NBAS: variants seen among roughly 807,000 people sequenced by gnomAD.
NBAS encodes the protein NAG/BC035112 fusion.
In NBAS, 219 loss-of-function variants were observed where a neutral mutation model predicts 302.5. The ratio of observed to expected loss-of-function variants is 0.72; its 90% CI spans 0.65 to 0.81. The LOEUF (loss-of-function observed/expected upper bound fraction) is 0.81, where lower values mean the gene tolerates loss of function less well. Among genes scored for constraint, NBAS ranks in the 30% least tolerant of loss-of-function variants. NBAS has a pLI of 0.00. For synonymous variants in NBAS, 1,118 were observed against 1,021.6 expected, an observed-to-expected ratio of 1.09 and a Z score of -1.80; for missense variants, 2,932 against 2,841.6, an observed-to-expected ratio of 1.03 and a Z score of -0.72.
the NBAS span, among the ~76,000 whole-genome samples, chr2:14,789,064 C>T: frequency 5.9e-5 from 9 of 152,164 alleles, no homozygotes; most frequent in East Asian, 1.9e-4. Context: ...GCCTCGCTGC[C>T]GCCTTGCAGT....
intron 44 of NBAS, among the ~76,000 whole-genome samples, chr2:15,256,371 G>T (rs1668593641): frequency 6.6e-6 from 1 of 152,008 alleles, no homozygotes; most frequent in Non-Finnish European, 1.5e-5. Flanking sequence ...GGTCATTGTT[G>T]TTGCATAGCA....
intron 28 of NBAS, among the ~76,000 whole-genome samples, chr2:15,391,870 G>A (rs556412457): frequency 1.8e-4 from 27 of 147,878 alleles, no homozygotes; most frequent in Middle Eastern, 7.0e-3. Flanking sequence ...TTTCTGTACC[G>A]TAGCATACTA....
chr2:15,085,989 C>T, the NBAS span, among the ~76,000 whole-genome samples: 3 of 152,118 alleles, frequency 2.0e-5, no homozygotes, highest in Admixed American at 6.5e-5. Flanking sequence ...AGGCAGATGG[C>T]TCCTGGAGGG....
At chr2:15,400,502 G>A (rs991960135) in intron 26 of NBAS, among the ~76,000 whole-genome samples, 2 of 152,120 alleles carry the variant, frequency 1.3e-5, no homozygotes, top group Non-Finnish European at 2.9e-5. Flanking sequence ...ATAAAAGGAA[G>A]TCAAAAATGA....
the NBAS span, among the ~76,000 whole-genome samples, chr2:14,820,481 G>A: frequency 5.9e-5 from 9 of 152,122 alleles, no homozygotes; most frequent in Admixed American, 3.9e-4. Flanking sequence ...TGAACTCATG[G>A]TCATAGAGAG....
In NBAS at chr2:15,275,902, C is replaced by T. The variant is rs1195702983; in HGVS notation, c.5390-84G>A. 9.3e-6 allele frequency: 11 copies of T among 1,179,164 alleles called. No individual in the cohort carries two copies. The Admixed American group carries it at 2.0e-4, about 22-fold the overall frequency. The allele number at this position is 1,179,164 out of a possible 1,614,324, so 73.0% of individuals were successfully genotyped here. A position where few individuals can be genotyped will look rare whatever the true frequency, so the allele number is the denominator to read the frequency against. ...CTTTCAAACACACACACATAGCCCT[C>T]TATATGTCTGAACGCAAAGATCTAT... On this transcript the variant is annotated intron_variant, in intron 43 of 51. Coordinates refer to ENST00000281513, the MANE Select transcript of NBAS (RefSeq NM_015909.4).
chr2:14,845,568 C>T, the NBAS span, among the ~76,000 whole-genome samples: 2 of 152,100 alleles, frequency 1.3e-5, no homozygotes, highest in African/African-American at 2.4e-5. Flanking sequence ...AATAAGACAC[C>T]AGGGACCAAT....
At chr2:15,496,701 A>G (rs182956366) in intron 11 of NBAS, among the ~76,000 whole-genome samples, 112 of 152,256 alleles carry the variant, frequency 7.4e-4, no homozygotes, top group African/African-American at 2.4e-3. Flanking sequence ...AGAAGCTAGC[A>G]GGAATCTGAT....
chr2:15,223,598 AG>A (rs1387956087), intron 47 of NBAS, among the ~76,000 whole-genome samples: 2 of 152,128 alleles, frequency 1.3e-5, no homozygotes, highest in Non-Finnish European at 2.9e-5. Context: ...TGGGAGGCTG[AG>A]GCAGGCAGAA....
At chr2:14,976,956 T>C in the NBAS span, among the ~76,000 whole-genome samples, 1 of 152,202 alleles carries the variant, frequency 6.6e-6, no homozygotes, top group African/African-American at 2.4e-5. Context: ...TTTCTGTTGA[T>C]TCAAGTCATA....
the NBAS span, among the ~76,000 whole-genome samples, chr2:14,980,326 T>A: frequency 6.6e-6 from 1 of 151,816 alleles, no homozygotes; most frequent in African/African-American, 2.4e-5. Flanking sequence ...ACTAAATCAT[T>A]AAGCCTTTGG....
At chr2:15,266,995 GCTAT>G (rs558770494) in intron 44 of NBAS, among the ~76,000 whole-genome samples, 87 of 152,284 alleles carry the variant, frequency 5.7e-4, no homozygotes, top group Middle Eastern at 3.4e-3. Context: ...ATCCTGTGTA[GCTAT>G]CTATCACCCA....
the NBAS span, among the ~76,000 whole-genome samples, chr2:15,135,186 G>T: frequency 6.6e-6 from 1 of 152,210 alleles, no homozygotes; most frequent in Non-Finnish European, 1.5e-5. Flanking sequence ...ACTTTTTCAA[G>T]CTAAGGAGGG....
chr2:15,188,367 C>T (rs1283904841), intron 49 of NBAS, among the ~76,000 whole-genome samples: 1 of 152,212 alleles, frequency 6.6e-6, no homozygotes, highest in Non-Finnish European at 1.5e-5. Context: ...CTTCCACCCC[C>T]ACTCCTTTTT....
chr2:15,256,818 A>G (rs1303592786), intron 44 of NBAS, among the ~76,000 whole-genome samples: 3 of 152,152 alleles, frequency 2.0e-5, no homozygotes, highest in Non-Finnish European at 2.9e-5. Flanking sequence ...AGGTGACCAT[A>G]TGATTTTTGT....
At chr2:15,023,656 T>C in the NBAS span, among the ~76,000 whole-genome samples, 1 of 88,400 alleles carries the variant, frequency 1.1e-5, no homozygotes, top group African/African-American at 4.2e-5. Flanking sequence ...GTGATTTTCA[T>C]CTATTTCCTT....
At chr2:14,943,786 A>C in the NBAS span, among the ~76,000 whole-genome samples, 1 of 152,084 alleles carries the variant, frequency 6.6e-6, no homozygotes, top group Non-Finnish European at 1.5e-5. Context: ...TTCTATTTTT[A>C]TTAATTTTTT....
At chr2:15,506,099 A>AGGCC in intron 10 of NBAS, among the ~76,000 whole-genome samples, 1 of 152,184 alleles carries the variant, frequency 6.6e-6, no homozygotes, top group Non-Finnish European at 1.5e-5. Context: ...GATAAAAGGG[A>AGGCC]GAGGTAAAAA....
At chr2:15,422,657 C>T (rs1379844048) in intron 23 of NBAS, among the ~76,000 whole-genome samples, 3 of 151,802 alleles carry the variant, frequency 2.0e-5, no homozygotes, top group African/African-American at 7.3e-5. Flanking sequence ...AATATTTAAA[C>T]ACCAAAAATT....
Sources: allele counts gnomAD v4.1 joint callset (sites outside exome capture counted in the v4.1 genomes callset), GRCh38; gene constraint gnomAD v4.1.1; transcripts MANE v1.5; gene names NCBI Gene and HGNC (gene_info 2026-07-23, HGNC 2026-07-21).